The following NEDD4L variants were observed in gnomAD, a reference collection of about 807,000 sequenced individuals.
NEDD4L encodes the protein E3 ubiquitin-protein ligase NEDD4-like.
A neutral mutation model predicts 148.9 loss-of-function variants in NEDD4L; 54 were observed. The observed-to-expected ratio is 0.36, with a 90% CI of 0.29 to 0.45. The LOEUF is 0.45. Ranked by LOEUF, NEDD4L falls within the 20% of genes least tolerant of loss-of-function variation. The probability of loss-of-function intolerance (pLI) is 1.00; values close to 1 mark genes in which losing one functional copy is unlikely to be tolerated. For missense variants in NEDD4L, 856 were observed against 1,233.8 expected (o/e 0.69, Z 4.59); for synonymous variants, 433 against 440.7 (o/e 0.98, Z 0.22).
intron 1 of NEDD4L, among the ~76,000 whole-genome samples, chr18:58,140,278 A>G (rs1319584278): frequency 3.3e-5 from 5 of 152,208 alleles, no homozygotes; most frequent in Admixed American, 6.5e-5. Context: ...GCCTCCACCT[A>G]TGAATTTGCC....
At chr18:58,110,202 G>A (rs1048771086) in intron 1 of NEDD4L, among the ~76,000 whole-genome samples, 6 of 152,310 alleles carry the variant, frequency 3.9e-5, no homozygotes, top group East Asian at 1.9e-4. Context: ...GAGGCTGAGG[G>A]CATGGGCAGG....
intron 5 of NEDD4L, among the ~76,000 whole-genome samples, chr18:58,254,787 A>G (rs1382825174): frequency 6.6e-6 from 1 of 152,214 alleles, no homozygotes; most frequent in Non-Finnish European, 1.5e-5. Context: ...ATGCTGTGAT[A>G]GCAGGAGGGC....
At position 58,245,521 on chromosome 18, in the gene NEDD4L, CT is replaced by C; in HGVS notation, c.204+16del. The C allele has an allele frequency of 7.1e-7, 1 of 1,408,692 alleles. No individual in the cohort carries two copies. Among genetic ancestry groups the C allele is most frequent in the Non-Finnish European group, 9.9e-7 (1 of 1,009,136 alleles). 87.3% of individuals were successfully genotyped at this position (1,408,692 alleles called of 1,614,324 possible). A position where few individuals can be genotyped will look rare whatever the true frequency, so the allele number is the denominator to read the frequency against. ...AACAATTAAAAAGGTAGGTGTCGATCTTTAACCAAATGTCATTTAAGTCATA... is the reference window on the plus strand; with the variant it reads ...AACAATTAAAAAGGTAGGTGTCGATCTTAACCAAATGTCATTTAAGTCATA... On this transcript the variant is annotated intron_variant, in intron 3 of 30. Coordinates refer to ENST00000400345, the MANE Select transcript of NEDD4L (RefSeq NM_001144967.3).
intron 1 of NEDD4L, among the ~76,000 whole-genome samples, chr18:58,097,628 C>T (rs2084498420): frequency 6.6e-6 from 1 of 152,170 alleles, no homozygotes. Flanking sequence ...AATAGACACA[C>T]ACTGTAATCA....
At chr18:58,341,375 A>T (rs796864423) in intron 14 of NEDD4L, among the ~76,000 whole-genome samples, 1 of 152,236 alleles carries the variant, frequency 6.6e-6, no homozygotes, top group Non-Finnish European at 1.5e-5. Context: ...AATATATTTT[A>T]AAAATGTGAC....
At chr18:58,124,752 A>G (rs2030712883) in intron 1 of NEDD4L, among the ~76,000 whole-genome samples, 1 of 152,234 alleles carries the variant, frequency 6.6e-6, no homozygotes, top group Non-Finnish European at 1.5e-5. Context: ...CAAGTTTATC[A>G]TCTTCCCTCA....
intron 2 of NEDD4L, among the ~76,000 whole-genome samples, chr18:58,218,937 G>A (rs1484699945): frequency 6.6e-6 from 1 of 152,212 alleles, no homozygotes; most frequent in East Asian, 1.9e-4. Context: ...TTGTGTTGGA[G>A]CTGGTGTGAG....
intron 5 of NEDD4L, among the ~76,000 whole-genome samples, chr18:58,260,336 A>G (rs950660220): frequency 2.6e-5 from 4 of 152,188 alleles, no homozygotes; most frequent in South Asian, 2.1e-4. Context: ...TATATCTTCA[A>G]ATGTCACCTG....
chr18:58,344,970 CACA>C (rs758946852), intron 16 of NEDD4L, among the ~76,000 whole-genome samples: 2 of 152,184 alleles, frequency 1.3e-5, no homozygotes, highest in African/African-American at 2.4e-5. Flanking sequence ...CCTTTCAAGC[CACA>C]ACAACAGTGT....
At chr18:58,100,566 G>A (rs1023024941) in intron 1 of NEDD4L, among the ~76,000 whole-genome samples, 3 of 152,138 alleles carry the variant, frequency 2.0e-5, no homozygotes, top group African/African-American at 7.2e-5. Flanking sequence ...GAGAACAGAG[G>A]CTGGGCCACA....
At chr18:58,082,257 GC>G (rs993993398) in intron 1 of NEDD4L, among the ~76,000 whole-genome samples, 1 of 148,616 alleles carries the variant, frequency 6.7e-6, no homozygotes, top group African/African-American at 2.5e-5. Flanking sequence ...ACAGGAGCCT[GC>G]CACAACGCCC....
At chr18:58,176,701 CT>C (rs2038196994) in intron 2 of NEDD4L, among the ~76,000 whole-genome samples, 1 of 152,174 alleles carries the variant, frequency 6.6e-6, no homozygotes, top group Non-Finnish European at 1.5e-5. Flanking sequence ...ACTGTGGAAC[CT>C]TGTTCACGTT....
At chr18:58,064,598 G>A (rs917548278) in intron 1 of NEDD4L, among the ~76,000 whole-genome samples, 12 of 152,064 alleles carry the variant, frequency 7.9e-5, no homozygotes, top group South Asian at 6.2e-4. Flanking sequence ...GCATGAAAAC[G>A]TCTTTGACCT....
At chr18:58,390,617 G>T (rs371383849) in intron 28 of NEDD4L, 29 bp from the exon 29 acceptor site, 13 of 1,439,930 alleles carry the variant, frequency 9.0e-6, no homozygotes, top group East Asian at 4.8e-5. Context: ...CACGTGGGGG[G>T]TATAATGACC....
intron 1 of NEDD4L, among the ~76,000 whole-genome samples, chr18:58,160,348 A>G (rs938844711): frequency 6.6e-6 from 1 of 152,140 alleles, no homozygotes; most frequent in Non-Finnish European, 1.5e-5. Flanking sequence ...ATCTTGTTTT[A>G]TGTCTTGATG....
chr18:58,135,176 G>A (rs1389118028), intron 1 of NEDD4L, among the ~76,000 whole-genome samples: 1 of 152,108 alleles, frequency 6.6e-6, no homozygotes, highest in Non-Finnish European at 1.5e-5. Context: ...TCCAGTGGAA[G>A]TCCTGAAACA....
At chr18:58,111,630 T>C (rs1423718342) in intron 1 of NEDD4L, among the ~76,000 whole-genome samples, 1 of 152,208 alleles carries the variant, frequency 6.6e-6, no homozygotes, top group Non-Finnish European at 1.5e-5. Flanking sequence ...TTTTTATTGG[T>C]CAAATACTAG....
chr18:58,299,779 ATAAGGTTT>A (rs1399210025), intron 5 of NEDD4L, among the ~76,000 whole-genome samples: 1 of 152,192 alleles, frequency 6.6e-6, no homozygotes, highest in Non-Finnish European at 1.5e-5. Flanking sequence ...TTTTTTAAAA[ATAAGGTTT>A]TAAGAGTTTC....
At chr18:58,293,652 C>T (rs2055105255) in intron 5 of NEDD4L, among the ~76,000 whole-genome samples, 1 of 152,090 alleles carries the variant, frequency 6.6e-6, no homozygotes, top group African/African-American at 2.4e-5. Context: ...ATCTGATTAC[C>T]TTTGACTCAT....
Sources: gnomAD v4.1 joint callset for allele counts (sites outside exome capture counted in the v4.1 genomes callset) on GRCh38, gnomAD v4.1.1 for gene constraint, MANE v1.5 for transcripts, NCBI Gene and HGNC (gene_info 2026-07-23, HGNC 2026-07-21) for gene names.